ZNF503: variants seen among roughly 807,000 people sequenced by gnomAD.
The protein encoded by ZNF503 is zinc finger protein 503, also known as NocA-like zinc finger 2.
Under a neutral mutation model 34.4 loss-of-function variants are expected in ZNF503, and 15 were observed. That is an observed-to-expected ratio of 0.44 (90% CI 0.29 to 0.67). ZNF503 has a LOEUF of 0.67. Among genes scored for constraint, ZNF503 ranks in the 30% least tolerant of loss-of-function variants. The pLI is 0.13. For synonymous variants in ZNF503, 580 were observed against 456.8 expected, an observed-to-expected ratio of 1.27 and a Z score of -3.44; for missense variants, 1,007 against 926.8, an observed-to-expected ratio of 1.09 and a Z score of -1.12.
chr10:75,342,356 T>A, the ZNF503 span, among the ~76,000 whole-genome samples: 108 of 152,206 alleles, frequency 7.1e-4, 1 homozygote, highest in Middle Eastern at 0.01. Context: ...TGCAGGAGTC[T>A]TATTGGGGAA....
the ZNF503 span, among the ~76,000 whole-genome samples, chr10:75,320,099 GT>G: frequency 6.6e-6 from 1 of 152,150 alleles, no homozygotes; most frequent in African/African-American, 2.4e-5. Context: ...GTATTATCCT[GT>G]TACTAAAACT....
chr10:75,399,939 C>A lies in ZNF503; in HGVS notation c.751G>T (p.Gly251Cys), dbSNP rs547646010. ...MLSSAGGAPEGKDDKKDTDVG... is the reference protein window; with the variant it reads ...MLSSAGGAPECKDDKKDTDVG... ...TCGGTGTCTTTCTTGTCGTCCTTGCCCTCCGGGGCACCCCCGGCCGAGGAC... is the reference window on the plus strand; with the variant it reads ...TCGGTGTCTTTCTTGTCGTCCTTGCACTCCGGGGCACCCCCGGCCGAGGAC... Residue 251 changes from glycine (G) to cysteine (C), a missense_variant, in exon 2 of 2, where the codon GGC becomes TGC. Coordinates refer to ENST00000372524, the MANE Select transcript of ZNF503 (RefSeq NM_032772.6). The A allele has an allele frequency of 6.2e-7, 1 of 1,606,580 alleles. No homozygotes were observed. The highest frequency in any genetic ancestry group is 1.1e-5 in the South Asian group (1 of 90,860).
At chr10:75,375,534 T>G in the ZNF503 span, among the ~76,000 whole-genome samples, 1 of 152,106 alleles carries the variant, frequency 6.6e-6, no homozygotes, top group East Asian at 1.9e-4. Context: ...CTTTTCTTTT[T>G]GAGACAGAGT....
chr10:75,311,670 CAAA>C, the ZNF503 span, among the ~76,000 whole-genome samples: 1,097 of 109,252 alleles, frequency 0.01, 17 homozygotes, highest in African/African-American at 0.032. Context: ...CTAAAAATAC[CAAA>C]AAAAAAAAAA....
At chr10:75,367,286 G>T in the ZNF503 span, among the ~76,000 whole-genome samples, 1 of 152,010 alleles carries the variant, frequency 6.6e-6, no homozygotes, top group African/African-American at 2.4e-5. Context: ...CCAGCTGTCT[G>T]TTCCTAACAA....
chr10:75,381,949 G>A, the ZNF503 span, among the ~76,000 whole-genome samples: 8 of 150,810 alleles, frequency 5.3e-5, no homozygotes, highest in Non-Finnish European at 7.4e-5. Context: ...TGAGACTACA[G>A]GCATAAGCCA....
the ZNF503 span, among the ~76,000 whole-genome samples, chr10:75,340,176 G>A: frequency 0.4 from 48,194 of 121,938 alleles, 9,032 homozygotes; most frequent in Middle Eastern, 0.42. Flanking sequence ...GGGGCGGGGG[G>A]TCGAGGCTGC....
the ZNF503 span, among the ~76,000 whole-genome samples, chr10:75,380,639 A>G: frequency 3.9e-5 from 6 of 152,206 alleles, no homozygotes; most frequent in Admixed American, 3.9e-4. Flanking sequence ...GCACTGAGCA[A>G]AATCAAAGAG....
At chr10:75,328,746 C>CTTTTTTT in the ZNF503 span, among the ~76,000 whole-genome samples, 41 of 130,732 alleles carry the variant, frequency 3.1e-4, 1 homozygote, top group African/African-American at 4.0e-4. Flanking sequence ...AATGTCTTTT[C>CTTTTTTT]TTTTTTTTTT....
downstream of ZNF503, among the ~76,000 whole-genome samples, chr10:75,396,544 C>G (rs1411229190): frequency 6.6e-6 from 1 of 152,182 alleles, no homozygotes; most frequent in African/African-American, 2.4e-5. The surrounding 1 kb of genome is among the most constrained non-coding windows in gnomAD (Gnocchi z 4.4). Context: ...CAAATGGCGG[C>G]AGGGGCCGCG....
chr10:75,321,502 T>A, the ZNF503 span, among the ~76,000 whole-genome samples: 1 of 152,160 alleles, frequency 6.6e-6, no homozygotes, highest in Non-Finnish European at 1.5e-5. Context: ...AGAGACTTGT[T>A]GAATGGTTAT....
In ZNF503 at chr10:75,399,693, C is replaced by T. The variant is rs1451005712; in HGVS notation, c.997G>A (p.Gly333Ser). ...GACACGGGAGCCACCAGCCCAGAGC[C>T]CAACACTGAGGAGGAGGTGGGCGCG... ...PSAPTSSSVLGSGLVAPVSPY... is the reference protein window; with the variant it reads ...PSAPTSSSVLSSGLVAPVSPY... The change falls in exon 2 of 2, where the codon GGC becomes AGC. Residue 333 changes from glycine (G) to serine (S), a missense_variant. Transcript: ENST00000372524. 2.5e-6 allele frequency: 4 copies of T among 1,600,366 alleles called. No homozygotes were observed. Among genetic ancestry groups the T allele is most frequent in the Admixed American group, 1.7e-5 (1 of 59,858 alleles).
In ZNF503 at chr10:75,399,409, G is replaced by A. The variant is rs771748971; in HGVS notation, c.1281C>T (p.Cys427=). The A allele has an allele frequency of 2.5e-6, 4 of 1,603,900 alleles. No individual in the cohort carries two copies. Among genetic ancestry groups the A allele is most frequent in the Admixed American group, 1.7e-5 (1 of 59,678 alleles). The change falls in exon 2 of 2, where the codon TGC becomes TGT. Residue 427 remains cysteine, a synonymous_variant. Coordinates refer to ENST00000372524, the MANE Select transcript of ZNF503 (RefSeq NM_032772.6). The part of the protein sequence containing the change: ...SPPSVMTASL[C]RDPYCLSYHC... ...GGTAGCTGAGGCAGTAAGGGTCCCGGCACAAACTGGCTGTCATCACGGACG... is the reference window on the plus strand; with the variant it reads ...GGTAGCTGAGGCAGTAAGGGTCCCGACACAAACTGGCTGTCATCACGGACG...
chr10:75,372,215 A>G, the ZNF503 span, among the ~76,000 whole-genome samples: 1 of 152,272 alleles, frequency 6.6e-6, no homozygotes, highest in East Asian at 1.9e-4. Flanking sequence ...TACAGGCGTG[A>G]GCCACTGTGC....
chr10:75,323,452 C>T, the ZNF503 span, among the ~76,000 whole-genome samples: 3 of 152,176 alleles, frequency 2.0e-5, no homozygotes, highest in Non-Finnish European at 2.9e-5. Flanking sequence ...TCCAAAGTGG[C>T]TGTACCATTT....
chr10:75,312,299 A>G, the ZNF503 span, among the ~76,000 whole-genome samples: 1 of 152,220 alleles, frequency 6.6e-6, no homozygotes, highest in Non-Finnish European at 1.5e-5. Flanking sequence ...AAATGAAAAT[A>G]TTATAACAAA....
chr10:75,379,931 G>A, the ZNF503 span, among the ~76,000 whole-genome samples: 13 of 152,302 alleles, frequency 8.5e-5, no homozygotes, highest in Admixed American at 7.2e-4. Flanking sequence ...CTTCCAGGCG[G>A]GGTGGGAGGG....
At chr10:75,289,802 G>A in the ZNF503 span, among the ~76,000 whole-genome samples, 1 of 152,096 alleles carries the variant, frequency 6.6e-6, no homozygotes, top group East Asian at 1.9e-4. Flanking sequence ...CCAGCCTCAG[G>A]TGATCTGCCC....
the ZNF503 span, among the ~76,000 whole-genome samples, chr10:75,312,870 G>T: frequency 2.6e-5 from 4 of 152,158 alleles, no homozygotes; most frequent in African/African-American, 9.7e-5. Context: ...TGTGTCAAGG[G>T]TATGGCCAGG....
Sources: gnomAD v4.1 joint callset for allele counts (sites outside exome capture counted in the v4.1 genomes callset) on GRCh38, gnomAD v4.1.1 for gene constraint, Gnocchi (gnomAD v3.1) non-coding constraint, MANE v1.5 for transcripts, NCBI Gene and HGNC (gene_info 2026-07-23, HGNC 2026-07-21) for gene names.